KCNMA1: variants seen among roughly 807,000 people sequenced by gnomAD.
KCNMA1 encodes the protein potassium calcium-activated channel subfamily M alpha 1, also known as Calcium-activated potassium channel subunit alpha-1.
A neutral mutation model predicts 140.0 loss-of-function variants in KCNMA1; 29 were observed. The observed-to-expected ratio is 0.21, with a 90% CI of 0.15 to 0.28. The LOEUF is 0.28. KCNMA1 is among the 10% of genes least tolerant of loss of function. KCNMA1 has a pLI of 1.00. For missense variants in KCNMA1, 880 were observed against 1,602.2 expected (o/e 0.55, Z 7.70); for synonymous variants, 612 against 611.9 (o/e 1.00, Z 0.00).
chr10:77,196,425 C>T (rs952971776), intron 3 of KCNMA1, among the ~76,000 whole-genome samples: 9 of 152,134 alleles, frequency 5.9e-5, no homozygotes, highest in Non-Finnish European at 1.2e-4. Context: ...TGGGCAGGAT[C>T]GCCTGCCTGC....
intron 3 of KCNMA1, among the ~76,000 whole-genome samples, chr10:77,236,581 C>T (rs1465425335): frequency 6.6e-6 from 1 of 152,196 alleles, no homozygotes; most frequent in African/African-American, 2.4e-5. Context: ...CTGGCTTCTA[C>T]ACTAAAAGCT....
At chr10:77,166,815 A>G (rs966661598) in intron 5 of KCNMA1, among the ~76,000 whole-genome samples, 47 of 152,230 alleles carry the variant, frequency 3.1e-4, no homozygotes, top group African/African-American at 1.1e-3. Flanking sequence ...AAGGTTGATC[A>G]ATAGCCTCTT....
intron 1 of KCNMA1, among the ~76,000 whole-genome samples, chr10:77,467,054 C>T (rs2098037425): frequency 6.6e-6 from 1 of 152,222 alleles, no homozygotes; most frequent in Non-Finnish European, 1.5e-5. Flanking sequence ...AGAGCCTAGC[C>T]TGTGATCTTA....
chr10:77,316,308 G>T (rs539067178), intron 2 of KCNMA1, among the ~76,000 whole-genome samples: 1 of 152,256 alleles, frequency 6.6e-6, no homozygotes, highest in East Asian at 1.9e-4. Context: ...GTTAAAAGAG[G>T]CCACCTGAAA....
intron 5 of KCNMA1, among the ~76,000 whole-genome samples, chr10:77,146,897 G>A (rs1185821630): frequency 6.6e-6 from 1 of 152,058 alleles, no homozygotes; most frequent in African/African-American, 2.4e-5. Flanking sequence ...TCTCTCGGGT[G>A]TAATGGATTG....
chr10:77,048,754 G>A (rs1187396906), intron 14 of KCNMA1, among the ~76,000 whole-genome samples: 1 of 152,086 alleles, frequency 6.6e-6, no homozygotes, highest in African/African-American at 2.4e-5. Flanking sequence ...TCTCCAAGAG[G>A]AGAACATGAC....
chr10:77,345,765 G>A (rs2154380650), intron 2 of KCNMA1, among the ~76,000 whole-genome samples: 1 of 152,326 alleles, frequency 6.6e-6, no homozygotes, highest in South Asian at 2.1e-4. Context: ...ATGTAACTGT[G>A]CATGTTTCTA....
chr10:77,544,958 C>T (rs963024102), intron 1 of KCNMA1, among the ~76,000 whole-genome samples: 1 of 152,160 alleles, frequency 6.6e-6, no homozygotes, highest in African/African-American at 2.4e-5. Flanking sequence ...AATCATGTGA[C>T]CCTCATCTAC....
chr10:76,997,688 G>T (rs2153384316), intron 19 of KCNMA1, among the ~76,000 whole-genome samples: 1 of 152,326 alleles, frequency 6.6e-6, no homozygotes, highest in African/African-American at 2.4e-5. Context: ...CGTACTGATT[G>T]GAATCTACTT....
At chr10:77,501,837 G>A (rs2044021988) in intron 1 of KCNMA1, among the ~76,000 whole-genome samples, 1 of 152,198 alleles carries the variant, frequency 6.6e-6, no homozygotes, top group East Asian at 1.9e-4. Context: ...AGCAGACCAG[G>A]GTCAGGTGTG....
intron 25 of KCNMA1, among the ~76,000 whole-genome samples, chr10:76,909,342 G>A (rs1319505800): frequency 6.6e-6 from 1 of 152,150 alleles, no homozygotes; most frequent in Non-Finnish European, 1.5e-5. Flanking sequence ...CCGCCATCTT[G>A]TACCTCTGAA....
chr10:77,169,101 G>C (rs942939856), intron 5 of KCNMA1, among the ~76,000 whole-genome samples: 1 of 152,194 alleles, frequency 6.6e-6, no homozygotes. Context: ...CAAAAGAGTG[G>C]CTCAGACTAT....
chr10:77,333,378 AAG>A (rs2087367381), intron 2 of KCNMA1, among the ~76,000 whole-genome samples: 2 of 145,934 alleles, frequency 1.4e-5, no homozygotes, highest in African/African-American at 2.6e-5. Flanking sequence ...AAAAGAAAGA[AAG>A]AGAGAAAGAA....
intron 1 of KCNMA1, among the ~76,000 whole-genome samples, chr10:77,559,208 C>CT (rs1240426065): frequency 6.6e-6 from 1 of 152,232 alleles, no homozygotes; most frequent in African/African-American, 2.4e-5. Flanking sequence ...GAAGCACACA[C>CT]TGGTGCATCC....
In KCNMA1 at chr10:76,932,937, C is replaced by T. The variant is rs184393516; in HGVS notation, c.2902+11836G>A. Among the ~76,000 whole-genome samples, 673 of 152,334 alleles carry T rather than the reference C, an allele frequency of 4.4e-3. 5 individuals carry two copies. Among genetic ancestry groups the T allele is most frequent in the African/African-American group, 0.015 (642 of 41,580 alleles). ...TTGAACTTTGGAGGTCTCAGTCCTACAGCCTTGGGCCCTGGGTTGGTACTG... is the reference window on the plus strand; with the variant it reads ...TTGAACTTTGGAGGTCTCAGTCCTATAGCCTTGGGCCCTGGGTTGGTACTG... On this transcript the variant is annotated intron_variant, in intron 23 of 27. Coordinates refer to ENST00000286628, the MANE Select transcript of KCNMA1 (RefSeq NM_001161352.2).
chr10:77,346,944 G>C (rs2092258387), intron 2 of KCNMA1, among the ~76,000 whole-genome samples: 2 of 152,214 alleles, frequency 1.3e-5, no homozygotes, highest in South Asian at 4.1e-4. Flanking sequence ...GCCAAGCACA[G>C]AGTCTGCAAG....
intron 1 of KCNMA1, among the ~76,000 whole-genome samples, chr10:77,413,272 G>A (rs2096660083): frequency 6.6e-6 from 1 of 152,100 alleles, no homozygotes; most frequent in Non-Finnish European, 1.5e-5. Context: ...AGGAAGCCCT[G>A]GGGCTGCTGG....
chr10:77,078,513 T>C (rs2096468419), intron 13 of KCNMA1, among the ~76,000 whole-genome samples: 1 of 152,200 alleles, frequency 6.6e-6, no homozygotes, highest in Non-Finnish European at 1.5e-5. Context: ...AAAATTCCTT[T>C]CTCTTTAATC....
chr10:77,570,653 G>A (rs2070816950), intron 1 of KCNMA1, among the ~76,000 whole-genome samples: 1 of 148,500 alleles, frequency 6.7e-6, no homozygotes, highest in Non-Finnish European at 1.5e-5. Context: ...CGAGTTAGTG[G>A]GTGCAGCGCA....
Sources: allele counts gnomAD v4.1 joint callset (sites outside exome capture counted in the v4.1 genomes callset), GRCh38; gene constraint gnomAD v4.1.1; transcripts MANE v1.5; gene names NCBI Gene and HGNC (gene_info 2026-07-23, HGNC 2026-07-21).